Variants in NRXN3 observed in about 807,000 individuals in gnomAD.
The protein encoded by NRXN3 is neurexin III.
NRXN3 carries 32 observed loss-of-function variants against 137.6 expected under a neutral mutation model. That is an observed-to-expected ratio of 0.23 (90% confidence interval 0.18 to 0.31). The LOEUF (loss-of-function observed/expected upper bound fraction) is 0.31. NRXN3 is among the 10% of genes least tolerant of loss of function. The probability of loss-of-function intolerance (pLI) is 1.00; values close to 1 mark genes in which losing one functional copy is unlikely to be tolerated. For synonymous variants in NRXN3, 798 were observed against 784.5 expected (o/e 1.02, Z -0.29); for missense variants, 1,574 against 2,062.5 (o/e 0.76, Z 4.59).
chr14:79,809,050 T>C (rs1182687455), intron 20 of NRXN3, among the ~76,000 whole-genome samples: 1 of 152,144 alleles, frequency 6.6e-6, no homozygotes, highest in Non-Finnish European at 1.5e-5. Context: ...TGTAGAGAAA[T>C]TTAAAGAAAT....
Position 79,786,813 on chromosome 14 carries a change from G to T in NRXN3, c.4015-18299G>T, listed in dbSNP as rs190782441. ...GATGTTTATCTTAATGGACTCAGAG[G>T]TACTTACAAACAGCATAATTGCTGA... On this transcript the variant is annotated intron_variant, in intron 19 of 20. Coordinates refer to ENST00000335750, the MANE Select transcript of NRXN3 (RefSeq NM_001330195.2). 2.6e-5 allele frequency among the ~76,000 whole-genome samples: 4 copies of T among 152,262 alleles called. No homozygotes were observed. The East Asian group carries it at 7.7e-4, about 29-fold the overall frequency.
At chr14:78,822,135 A>T (rs1463476216) in intron 10 of NRXN3, among the ~76,000 whole-genome samples, 1 of 152,114 alleles carries the variant, frequency 6.6e-6, no homozygotes. Context: ...CTCCTTTGTC[A>T]CAGCAAAATA....
intron 15 of NRXN3, among the ~76,000 whole-genome samples, chr14:79,360,782 T>G (rs1411722463): frequency 6.6e-6 from 1 of 152,244 alleles, no homozygotes; most frequent in Non-Finnish European, 1.5e-5. Flanking sequence ...TAGGCTATGC[T>G]CTTATCAAGT....
chr14:79,511,416 G>A (rs72690762), intron 16 of NRXN3, among the ~76,000 whole-genome samples: 1,551 of 152,234 alleles, frequency 0.01, 18 homozygotes, highest in Non-Finnish European at 0.014. Context: ...CTGTTACTCC[G>A]TGATCCCCAT....
chr14:78,487,611 A>G (rs200875493), intron 4 of NRXN3, among the ~76,000 whole-genome samples: 1 of 152,048 alleles, frequency 6.6e-6, no homozygotes, highest in East Asian at 1.9e-4. Flanking sequence ...GTGTGGTGGC[A>G]TGCATCTCTA....
chr14:79,032,532 G>A (rs796794576), intron 15 of NRXN3, among the ~76,000 whole-genome samples: 79 of 152,212 alleles, frequency 5.2e-4, no homozygotes, highest in African/African-American at 1.8e-3. Context: ...GCCTTAGAGA[G>A]GAAACTGACA....
intron 15 of NRXN3, among the ~76,000 whole-genome samples, chr14:79,412,698 G>A (rs1366318014): frequency 1.4e-5 from 2 of 142,616 alleles, no homozygotes; most frequent in Admixed American, 7.5e-5. Flanking sequence ...CAATAGAATC[G>A]CTTGAACCCA....
At chr14:78,997,150 G>A (rs1048997505) in intron 15 of NRXN3, among the ~76,000 whole-genome samples, 1 of 152,146 alleles carries the variant, frequency 6.6e-6, no homozygotes, top group Non-Finnish European at 1.5e-5. Context: ...AAAATAAGCT[G>A]GGACTCATAG....
At chr14:78,993,876 ATC>A (rs771630383) in intron 15 of NRXN3, among the ~76,000 whole-genome samples, 8 of 119,994 alleles carry the variant, frequency 6.7e-5, no homozygotes, top group Non-Finnish European at 1.0e-4. Context: ...TTGAGACAGA[ATC>A]TCTCTCTGTT....
At chr14:79,374,253 A>G (rs1424111118) in intron 15 of NRXN3, among the ~76,000 whole-genome samples, 2 of 152,164 alleles carry the variant, frequency 1.3e-5, no homozygotes, top group Admixed American at 6.5e-5. Context: ...AACTGAACAG[A>G]TGACTCCCTG....
chr14:79,757,596 A>C (rs1476797454), intron 19 of NRXN3, among the ~76,000 whole-genome samples: 1 of 152,208 alleles, frequency 6.6e-6, no homozygotes, highest in Non-Finnish European at 1.5e-5. Context: ...AAATTCTGTG[A>C]AGCATTTGGT....
rs2098150392 is a variant in NRXN3 at position 78,689,394 on chromosome 14, T to C, written c.1222-19823T>C. 2.6e-5 allele frequency among the ~76,000 whole-genome samples: 4 copies of C among 152,298 alleles called. No homozygotes were observed. In the South Asian group the frequency reaches 8.3e-4, roughly 32 times the overall value. ...CTACTGAGGGGCATTCATTTTAGTA[T>C]AATAGAACATTTTTATAGCACTTCT... On this transcript the variant is annotated intron_variant, in intron 6 of 20. Coordinates refer to ENST00000335750, the MANE Select transcript of NRXN3 (RefSeq NM_001330195.2).
chr14:78,296,035 T>C (rs1024434992), intron 3 of NRXN3, among the ~76,000 whole-genome samples: 5 of 151,732 alleles, frequency 3.3e-5, no homozygotes, highest in African/African-American at 1.2e-4. Context: ...TTCTTTTCTT[T>C]TCTTTTTTTT....
intron 15 of NRXN3, among the ~76,000 whole-genome samples, chr14:79,256,268 C>T (rs555576638): frequency 3.9e-5 from 6 of 152,092 alleles, no homozygotes; most frequent in South Asian, 2.1e-4. Flanking sequence ...ATTTTGACTG[C>T]GTAAAATATT....
intron 16 of NRXN3, among the ~76,000 whole-genome samples, chr14:79,538,893 C>T (rs1016716210): frequency 6.6e-6 from 1 of 152,156 alleles, no homozygotes. Context: ...TTCATTATTT[C>T]TAAGTCAAGC....
intron 1 of NRXN3, among the ~76,000 whole-genome samples, chr14:78,193,129 T>A (rs1038652070): frequency 2.0e-5 from 3 of 152,160 alleles, no homozygotes; most frequent in African/African-American, 7.2e-5. Context: ...ACTGCATGAT[T>A]CAGTGCAAGC....
At chr14:79,257,535 ATGGTGGTGG>A (rs1568819929) in intron 15 of NRXN3, among the ~76,000 whole-genome samples, 3 of 36,440 alleles carry the variant, frequency 8.2e-5, no homozygotes, top group African/African-American at 1.1e-4. Context: ...GGTGGTGGTG[ATGGTGGTGG>A]TGGTGGTGGT....
At chr14:79,812,614 T>G (rs2099238153) in intron 20 of NRXN3, among the ~76,000 whole-genome samples, 1 of 152,210 alleles carries the variant, frequency 6.6e-6, no homozygotes, top group Admixed American at 6.5e-5. Flanking sequence ...AATTCTCATT[T>G]ATTACGATTG....
intron 15 of NRXN3, among the ~76,000 whole-genome samples, chr14:79,378,172 C>A (rs1227842084): frequency 1.3e-5 from 2 of 152,202 alleles, no homozygotes; most frequent in East Asian, 3.8e-4. Flanking sequence ...TTACCAGTTT[C>A]TTTCATTTGA....
Sources: allele counts gnomAD v4.1 joint callset (sites outside exome capture counted in the v4.1 genomes callset), GRCh38; gene constraint gnomAD v4.1.1; transcripts MANE v1.5; gene names NCBI Gene and HGNC (gene_info 2026-07-23, HGNC 2026-07-21).